Variants in BLM observed in about 807,000 individuals in gnomAD.
The protein encoded by BLM is BLM RecQ like helicase, also known as recQ-like DNA helicase BLM.
BLM carries 95 observed loss-of-function variants against 135.3 expected under a neutral mutation model. The observed-to-expected ratio is 0.70, with a 90% CI of 0.59 to 0.83. BLM has a LOEUF of 0.83. Among genes scored for constraint, BLM ranks in the 40% least tolerant of loss-of-function variants. The pLI is 0.00. For missense variants in BLM, 1,518 were observed against 1,663.9 expected (o/e 0.91, Z 1.53); for synonymous variants, 520 against 589.2 (o/e 0.88, Z 1.70).
In BLM at chr15:90,804,217, G is replaced by A. The variant is rs151114049; in HGVS notation, c.3609G>A (p.Ala1203=). The A allele has an allele frequency of 1.1e-5, 18 of 1,614,058 alleles. No homozygotes were observed. Among genetic ancestry groups the A allele is most frequent in the East Asian group, 2.2e-5 (1 of 44,874 alleles). Residue 1203 remains alanine (A), a synonymous_variant, in exon 19 of 22, where the codon GCG becomes GCA. Transcript: ENST00000355112. ...CCAGCAGTGTGAAAAAACAAAAAGC[G>A]TTAGTAGCAAAAGTGTCTCAGAGGG... ...ENSSSVKKQK[A]LVAKVSQREE...
intron 1 of BLM, among the ~76,000 whole-genome samples, chr15:90,723,864 C>G (rs1596195202): frequency 6.6e-6 from 1 of 152,070 alleles, no homozygotes; most frequent in South Asian, 2.1e-4. Context: ...ATGAGTTTGC[C>G]TATTTTAGAT....
chr15:90,773,182 G>C (rs1477542454), intron 12 of BLM, among the ~76,000 whole-genome samples: 1 of 151,890 alleles, frequency 6.6e-6, no homozygotes, highest in African/African-American at 2.4e-5. Context: ...CACTTTGGGA[G>C]GCCAAGGGAG....
intron 10 of BLM, among the ~76,000 whole-genome samples, chr15:90,767,311 A>AT (rs1262487946): frequency 9.2e-5 from 14 of 152,214 alleles, no homozygotes; most frequent in Admixed American, 2.6e-4. Flanking sequence ...CCTCAGTACA[A>AT]TGATCAAAAT....
intron 14 of BLM, among the ~76,000 whole-genome samples, chr15:90,787,993 AAAAC>A (rs1176237195): frequency 1.3e-5 from 2 of 152,164 alleles, no homozygotes; most frequent in African/African-American, 4.8e-5. Context: ...CCAAGTAAGA[AAAAC>A]AAAACTAAGA....
chr15:90,761,326 A>G (rs1024848190), intron 7 of BLM, 71 bp downstream of exon 7: 2 of 1,154,574 alleles, frequency 1.7e-6, no homozygotes, highest in Admixed American at 3.4e-5. Context: ...TATAAGAAAA[A>G]CCATAGCAAA....
At chr15:90,740,257 T>A (rs1895330170) in intron 1 of BLM, among the ~76,000 whole-genome samples, 1 of 152,134 alleles carries the variant, frequency 6.6e-6, no homozygotes, top group Admixed American at 6.5e-5. Context: ...TTCCCAACCC[T>A]AGGCAATCAG....
Position 90,769,225 on chromosome 15 carries a change from C to T in BLM, c.2400C>T (p.Val800=). Residue 800 remains valine, a synonymous_variant, in exon 11 of 22, where the codon GTC becomes GTT. Coordinates refer to ENST00000355112, the MANE Select transcript of BLM (RefSeq NM_000057.4). ...ARFVIDEAHC[V]SQWGHDFRQD... is the part of the protein sequence containing the mutation. ...TTGTTATTGATGAAGCACATTGTGT[C>T]AGTCAGGTAAATACTGTTTTTTATA... The T allele has an allele frequency of 6.2e-7, 1 of 1,608,230 alleles. No individual in the cohort carries two copies. The highest frequency in any genetic ancestry group is 8.5e-7 in the Non-Finnish European group (1 of 1,174,666).
At chr15:90,753,745 A>C (rs1222342800) in intron 4 of BLM, among the ~76,000 whole-genome samples, 2 of 152,230 alleles carry the variant, frequency 1.3e-5, no homozygotes, top group African/African-American at 4.8e-5. Context: ...ATAACAGAGA[A>C]GAGAGACCTG....
intron 6 of BLM, 112 bp from the exon 7 acceptor site, chr15:90,760,482 C>T (rs775293383): frequency 2.8e-5 from 37 of 1,323,072 alleles, no homozygotes; most frequent in East Asian, 4.6e-5. Flanking sequence ...GGGAAAAAAG[C>T]GAATATATTT....
intron 21 of BLM, among the ~76,000 whole-genome samples, chr15:90,813,377 G>A (rs1897471584): frequency 6.6e-6 from 1 of 152,120 alleles, no homozygotes; most frequent in South Asian, 2.1e-4. Context: ...AGTGAGCCTG[G>A]GTGTTTAAGA....
At position 90,765,194 on chromosome 15, in the gene BLM, T is replaced by C. The variant is rs1374189474; in HGVS notation, c.2075-102T>C. 3 of 932,564 alleles carry C rather than the reference T, an allele frequency of 3.2e-6. No individual in the cohort carries two copies. In the African/African-American group the frequency reaches 4.8e-5, roughly 15 times the overall value. The allele number at this position is 932,564 out of a possible 1,614,324, so 57.8% of individuals were successfully genotyped here. On this transcript the variant is annotated intron_variant, in intron 8 of 21. Transcript: ENST00000355112. ...GGCAAATTGTTGGCACCAGGGACAATATGCCTTGGTGTCCTATTAATGATA... is the reference window on the plus strand; with the variant it reads ...GGCAAATTGTTGGCACCAGGGACAACATGCCTTGGTGTCCTATTAATGATA...
chr15:90,731,848 G>A (rs141051634), intron 1 of BLM, among the ~76,000 whole-genome samples: 28 of 151,220 alleles, frequency 1.9e-4, no homozygotes, highest in Non-Finnish European at 2.7e-4. Context: ...TTTTGAGACC[G>A]GTTTATGAAA....
chr15:90,773,909 GT>G (rs1896397404), intron 12 of BLM, among the ~76,000 whole-genome samples: 1 of 151,972 alleles, frequency 6.6e-6, no homozygotes, highest in Non-Finnish European at 1.5e-5. Flanking sequence ...CTGTTTCAGT[GT>G]TTTGGTTTTT....
intron 16 of BLM, among the ~76,000 whole-genome samples, 179 bp from the exon 17 acceptor site, chr15:90,798,011 C>T (rs1897071069): frequency 6.6e-6 from 1 of 151,912 alleles, no homozygotes; most frequent in South Asian, 2.1e-4. Flanking sequence ...GTAACAACAT[C>T]GAGTGGTAGT....
chr15:90,782,241 A>G (rs1257440787), intron 12 of BLM, among the ~76,000 whole-genome samples: 1 of 152,118 alleles, frequency 6.6e-6, no homozygotes. Flanking sequence ...TACAAAAATT[A>G]GCTGGGCGCG....
chr15:90,761,198 C>A lies in BLM; in HGVS notation c.1825C>A (p.Pro609Thr), dbSNP rs770255643. Residue 609 changes from proline to threonine, a missense_variant, in exon 7 of 22, where the codon CCA (proline) becomes ACA (threonine). By Grantham distance (38) the Pro-to-Thr change is conservative. This residue lies in a region of BLM where 724 missense variants were observed against 756.9 expected (regional missense o/e 0.96). Coordinates refer to ENST00000355112, the MANE Select transcript of BLM (RefSeq NM_000057.4). ...TTCCTCAGCCAAGACAGACTGTCTTCCAGTGTCATCTACTGCTCAAAATAT... is the reference window on the plus strand; with the variant it reads ...TTCCTCAGCCAAGACAGACTGTCTTACAGTGTCATCTACTGCTCAAAATAT... Reference protein sequence around the residue: ...RLSSAKTDCLPVSSTAQNINF... With the variant: ...RLSSAKTDCLTVSSTAQNINF... 14 of 1,532,724 alleles carry A rather than the reference C, an allele frequency of 9.1e-6. No homozygotes were observed. Among genetic ancestry groups the A allele is most frequent in the Non-Finnish European group, 1.2e-5 (14 of 1,144,862 alleles). The allele number at this position is 1,532,724 out of a possible 1,614,324, so 94.9% of individuals were successfully genotyped here.
At chr15:90,756,150 C>G (rs1895812534) in intron 5 of BLM, among the ~76,000 whole-genome samples, 1 of 151,422 alleles carries the variant, frequency 6.6e-6, no homozygotes, top group Non-Finnish European at 1.5e-5. Context: ...GTCACCCAGG[C>G]TGGAGTGCAG....
chr15:90,812,484 T>C (rs1175424096), intron 21 of BLM, among the ~76,000 whole-genome samples: 3 of 152,214 alleles, frequency 2.0e-5, no homozygotes, highest in Non-Finnish European at 2.9e-5. Context: ...AATTGCATTG[T>C]TTCTGACAGC....
intron 1 of BLM, among the ~76,000 whole-genome samples, chr15:90,744,569 A>G (rs1037588924): frequency 2.6e-5 from 4 of 151,852 alleles, no homozygotes; most frequent in Admixed American, 6.6e-5. Flanking sequence ...ACAGGGATTC[A>G]CCATATTGGC....
Sources: gnomAD v4.1 joint callset for allele counts (sites outside exome capture counted in the v4.1 genomes callset) on GRCh38, gnomAD v4.1.1 for gene constraint, gnomAD v4.1.1 regional missense constraint, MANE v1.5 for transcripts, NCBI Gene and HGNC (gene_info 2026-07-23, HGNC 2026-07-21) for gene names.